The following YEATS2 variants were observed in gnomAD, a reference collection of about 807,000 sequenced individuals.
YEATS2 encodes the protein YEATS domain-containing protein 2.
YEATS2 carries 77 observed loss-of-function variants against 163.2 expected under a neutral mutation model. The ratio of observed to expected loss-of-function variants is 0.47; its 90% CI spans 0.39 to 0.57. YEATS2 has a LOEUF of 0.57. Among genes scored for constraint, YEATS2 ranks in the 20% least tolerant of loss-of-function variants. The pLI is 0.00. For synonymous variants in YEATS2, 631 were observed against 645.1 expected, an observed-to-expected ratio of 0.98 and a Z score of 0.33; for missense variants, 1,549 against 1,729.8, an observed-to-expected ratio of 0.90 and a Z score of 1.85.
At position 183,797,078 on chromosome 3, in the gene YEATS2, G is replaced by A. The variant is rs183443294; in HGVS notation, c.3098-845G>A. Among the ~76,000 whole-genome samples the A allele has an allele frequency of 2.1e-3, 319 of 151,892 alleles. 1 individual carries two copies. The highest frequency in any genetic ancestry group is 7.4e-3 in the African/African-American group (307 of 41,390). On this transcript the variant is annotated intron_variant, in intron 21 of 30. Coordinates refer to ENST00000305135, the MANE Select transcript of YEATS2 (RefSeq NM_018023.5). The stretch of plus-strand genomic sequence containing the variant: ...GAGGTTGGGAGTTCGAGACCAGCCT[G>A]GCCAACATGGCGAAACACTGTCTCT...
chr3:183,702,854 T>TAAAAAAAA (rs1433045476), intron 1 of YEATS2, among the ~76,000 whole-genome samples: 14 of 149,276 alleles, frequency 9.4e-5, no homozygotes, highest in African/African-American at 3.4e-4. Context: ...AAGGGAATGG[T>TAAAAAAAA]AAAAGTTACC....
intron 27 of YEATS2, 29 bp downstream of exon 27, chr3:183,804,217 G>C: frequency 6.2e-7 from 1 of 1,612,130 alleles, no homozygotes; most frequent in Non-Finnish European, 8.5e-7. Context: ...TGCCCAGAGC[G>C]CCTGGCAGCC....
At chr3:183,795,328 C>T (rs1296874764) in intron 21 of YEATS2, among the ~76,000 whole-genome samples, 2 of 151,880 alleles carry the variant, frequency 1.3e-5, no homozygotes, top group Non-Finnish European at 2.9e-5. Flanking sequence ...TGCTCTGTTA[C>T]CCAGGCTGGA....
chr3:183,728,557 C>G (rs1389457962), intron 6 of YEATS2, 133 bp from the exon 7 acceptor site: 1 of 763,898 alleles, frequency 1.3e-6, no homozygotes, highest in Non-Finnish European at 2.0e-6. Context: ...ACTCATTTTG[C>G]TTGTTTAGGT....
At chr3:183,721,470 A>G (rs920072725) in intron 4 of YEATS2, among the ~76,000 whole-genome samples, 1 of 152,118 alleles carries the variant, frequency 6.6e-6, no homozygotes, top group African/African-American at 2.4e-5. Flanking sequence ...AATATTCTCT[A>G]TTACATTTTA....
intron 27 of YEATS2, among the ~76,000 whole-genome samples, chr3:183,805,165 A>G (rs1726059600): frequency 6.6e-6 from 1 of 151,860 alleles, no homozygotes; most frequent in South Asian, 2.1e-4. Flanking sequence ...TTTGGGAGTC[A>G]AGGCAGGAGG....
intron 21 of YEATS2, chr3:183,793,577 A>G (rs1724861451): frequency 9.3e-6 from 2 of 216,114 alleles, no homozygotes; most frequent in African/African-American, 2.4e-5. Context: ...GATGCTGCTG[A>G]TGGAACTTTC....
intron 2 of YEATS2, among the ~76,000 whole-genome samples, chr3:183,716,343 A>G (rs1715877704): frequency 6.6e-6 from 1 of 152,210 alleles, no homozygotes; most frequent in Non-Finnish European, 1.5e-5. Flanking sequence ...AATACTTTTA[A>G]CAGGGTAAAG....
intron 1 of YEATS2, among the ~76,000 whole-genome samples, chr3:183,701,350 G>A (rs528494878): frequency 6.6e-6 from 1 of 151,580 alleles, no homozygotes; most frequent in Non-Finnish European, 1.5e-5. Flanking sequence ...GCCTCCCAGT[G>A]CTGGGATTAC....
At position 183,756,520 on chromosome 3, in the gene YEATS2, TTAA is replaced by T. The variant is rs752854678; in HGVS notation, c.1391-4_1391-2del. On this transcript the variant is annotated splice_polypyrimidine_tract_variant and splice_region_variant and intron_variant, in intron 11 of 30. Coordinates refer to ENST00000305135, the MANE Select transcript of YEATS2 (RefSeq NM_018023.5). Reference sequence around the variant, plus strand: ...TTTTGTTTGTATTCTCTCTTTTTAATTAATAAGGTTCCCCAATATCAACTCCAA... The same window carrying T: ...TTTTGTTTGTATTCTCTCTTTTTAATTAAGGTTCCCCAATATCAACTCCAA... 6.5e-7 allele frequency: 1 copy of T among 1,537,956 alleles called. No homozygotes were observed. The highest frequency in any genetic ancestry group is 1.4e-5 in the African/African-American group (1 of 71,492).
chr3:183,799,414 G>GT (rs1033493952), intron 23 of YEATS2, among the ~76,000 whole-genome samples: 8 of 152,154 alleles, frequency 5.3e-5, no homozygotes, highest in East Asian at 1.9e-4. Context: ...AAGAGTAGAG[G>GT]TTTTTTAGCT....
rs183531634 is a variant in YEATS2 at position 183,793,084 on chromosome 3, A to C, written c.3097+2104A>C. The C allele has an allele frequency of 1.3e-4, 158 of 1,227,042 alleles. 2 individuals carry two copies. The East Asian group carries it at 2.7e-3, about 21-fold the overall frequency. The allele number at this position is 1,227,042 out of a possible 1,614,324, so 76.0% of individuals were successfully genotyped here. On this transcript the variant is annotated intron_variant, in intron 21 of 30. Transcript: ENST00000305135. ...ATGTCGCAGCACTATCGAACTGTTAAAGTTTCTAAATACTGTATTATCTTG... is the reference window on the plus strand; with the variant it reads ...ATGTCGCAGCACTATCGAACTGTTACAGTTTCTAAATACTGTATTATCTTG...
rs536208253 is a variant in YEATS2, at chr3:183,698,831, T to C, written c.-20+838T>C. On this transcript the variant is annotated intron_variant, in intron 1 of 30. Transcript: ENST00000305135. ...TTCCCCTTTCTTAATGAGTAGAGGG[T>C]ATTCAGCGTAGAAAAATTTAAAAAT... is the stretch of plus-strand genomic sequence containing the variant. Among the ~76,000 whole-genome samples, 3 of 152,216 alleles carry C rather than the reference T, an allele frequency of 2.0e-5. No individual in the cohort carries two copies. In the East Asian group the frequency reaches 5.8e-4, roughly 29 times the overall value.
Position 183,722,091 on chromosome 3 carries a change from ACT to A in YEATS2, c.496_497del (p.Ser166LysfsTer17). 2 of 1,613,936 alleles carry A rather than the reference ACT, an allele frequency of 1.2e-6. No homozygotes were observed. The highest frequency in any genetic ancestry group is 1.7e-6 in the Non-Finnish European group (2 of 1,179,986). ...NNSNMDIEER[L>X]SNNMEQRPSR... is the part of the protein sequence containing the mutation. ...ACAGCAATATGGATATAGAGGAAAG[ACT>A]CTCAAACAACATGGAGCAGAGACCA... On this transcript the variant is annotated frameshift_variant, in exon 5 of 31. Coordinates refer to ENST00000305135, the MANE Select transcript of YEATS2 (RefSeq NM_018023.5). LOFTEE classifies it high-confidence loss of function.
At chr3:183,768,546 T>C (rs1722141353) in intron 15 of YEATS2, among the ~76,000 whole-genome samples, 1 of 152,186 alleles carries the variant, frequency 6.6e-6, no homozygotes, top group African/African-American at 2.4e-5. Flanking sequence ...GAAGGGTTTT[T>C]TTTTTCTTTC....
chr3:183,720,882 G>T (rs547774545), intron 4 of YEATS2, among the ~76,000 whole-genome samples: 3 of 151,556 alleles, frequency 2.0e-5, no homozygotes, highest in Non-Finnish European at 4.4e-5. Flanking sequence ...AGTATTTCCC[G>T]GCTGTAATTT....
intron 17 of YEATS2, among the ~76,000 whole-genome samples, chr3:183,775,478 C>T (rs1244887237): frequency 2.0e-5 from 3 of 152,168 alleles, no homozygotes; most frequent in Admixed American, 2.0e-4. Flanking sequence ...GCCTGTAGTC[C>T]CAGCTCCTTG....
chr3:183,749,024 G>C (rs1418707154), intron 9 of YEATS2, among the ~76,000 whole-genome samples: 1 of 151,862 alleles, frequency 6.6e-6, no homozygotes, highest in Non-Finnish European at 1.5e-5. Flanking sequence ...CTCACTGCAA[G>C]CTCCGCCTCC....
At chr3:183,698,968 G>C (rs1017561874) in intron 1 of YEATS2, among the ~76,000 whole-genome samples, 2 of 152,140 alleles carry the variant, frequency 1.3e-5, no homozygotes, top group African/African-American at 4.8e-5. Flanking sequence ...ATGATGCCCT[G>C]ATAAGGAGTT....
Sources: gnomAD v4.1 joint callset for allele counts (sites outside exome capture counted in the v4.1 genomes callset) on GRCh38, gnomAD v4.1.1 for gene constraint, MANE v1.5 for transcripts, NCBI Gene and HGNC (gene_info 2026-07-23, HGNC 2026-07-21) for gene names.